Variants in NCKAP5 observed in about 807,000 individuals in gnomAD.
NCKAP5 encodes NCK associated protein 5.
Under a neutral mutation model 167.0 loss-of-function variants are expected in NCKAP5, and 92 were observed. The observed-to-expected ratio is 0.55, with a 90% confidence interval of 0.47 to 0.66. NCKAP5 has a LOEUF of 0.66. Among genes scored for constraint, NCKAP5 ranks in the 30% least tolerant of loss-of-function variants. NCKAP5 has a pLI of 0.00. For missense variants in NCKAP5, 2,378 were observed against 2,315.0 expected, an observed-to-expected ratio of 1.03 and a Z score of -0.56; for synonymous variants, 891 against 877.4, an observed-to-expected ratio of 1.02 and a Z score of -0.27.
At chr2:133,151,164 T>A (rs2083371793) in intron 5 of NCKAP5, among the ~76,000 whole-genome samples, 1 of 152,176 alleles carries the variant, frequency 6.6e-6, no homozygotes, top group Non-Finnish European at 1.5e-5. Context: ...CTTTTCTGTA[T>A]GTACATTATA....
intron 4 of NCKAP5, among the ~76,000 whole-genome samples, chr2:133,237,510 T>C (rs2087479719): frequency 6.6e-6 from 1 of 152,208 alleles, no homozygotes; most frequent in Non-Finnish European, 1.5e-5. Flanking sequence ...TCAATATTCA[T>C]TAATTCCACA....
At chr2:133,405,977 C>T (rs575980453) in intron 3 of NCKAP5, among the ~76,000 whole-genome samples, 4 of 152,370 alleles carry the variant, frequency 2.6e-5, no homozygotes, top group South Asian at 2.1e-4. Context: ...ACTCAAAATT[C>T]AGGGGAATAA....
chr2:133,329,394 CA>C (rs1161697313), intron 3 of NCKAP5, among the ~76,000 whole-genome samples: 3 of 151,616 alleles, frequency 2.0e-5, no homozygotes, highest in Admixed American at 6.6e-5. Flanking sequence ...GTTGGCCTAG[CA>C]AAAAAAGAGA....
At chr2:133,211,074 C>A (rs1349802630) in intron 5 of NCKAP5, among the ~76,000 whole-genome samples, 7 of 151,038 alleles carry the variant, frequency 4.6e-5, no homozygotes, top group Non-Finnish European at 1.0e-4. Flanking sequence ...GCCAGCCCTG[C>A]CCGCATGCAG....
intron 3 of NCKAP5, among the ~76,000 whole-genome samples, chr2:133,306,243 T>C (rs538695113): frequency 6.6e-6 from 1 of 152,316 alleles, no homozygotes; most frequent in South Asian, 2.1e-4. Flanking sequence ...AGCAAGTACA[T>C]ACAGGAGGTT....
At chr2:132,860,916 T>G (rs1182802016) in intron 10 of NCKAP5, among the ~76,000 whole-genome samples, 1 of 152,200 alleles carries the variant, frequency 6.6e-6, no homozygotes, top group Admixed American at 6.5e-5. Flanking sequence ...CGCCTATATA[T>G]TTTGCCTTTT....
intron 11 of NCKAP5, among the ~76,000 whole-genome samples, chr2:132,834,190 T>G (rs1687719404): frequency 1.3e-5 from 2 of 152,288 alleles, no homozygotes; most frequent in Admixed American, 6.5e-5. Context: ...TTTCCAATTT[T>G]GTTGCCCTTT....
chr2:133,028,600 C>G (rs910542041), intron 6 of NCKAP5, among the ~76,000 whole-genome samples: 1 of 152,194 alleles, frequency 6.6e-6, no homozygotes, highest in Non-Finnish European at 1.5e-5. Context: ...GTGAGAACCA[C>G]AGTCCTCAAA....
At chr2:133,108,902 T>C (rs1005265972) in intron 6 of NCKAP5, among the ~76,000 whole-genome samples, 1 of 152,258 alleles carries the variant, frequency 6.6e-6, no homozygotes, top group East Asian at 1.9e-4. Context: ...ATTGTGTCTG[T>C]GTGTATACAC....
At chr2:133,311,965 G>A (rs573781556) in intron 3 of NCKAP5, among the ~76,000 whole-genome samples, 30 of 152,256 alleles carry the variant, frequency 2.0e-4, no homozygotes, top group African/African-American at 5.1e-4. Flanking sequence ...AAATAAGTGC[G>A]TTTTTCTAAT....
intron 16 of NCKAP5, among the ~76,000 whole-genome samples, chr2:132,757,109 C>T: frequency 6.6e-6 from 1 of 152,138 alleles, no homozygotes; most frequent in East Asian, 1.9e-4. Flanking sequence ...GCTTGCTCTT[C>T]CCCCTTCCTG....
At chr2:133,082,698 G>A (rs1347709) in intron 6 of NCKAP5, among the ~76,000 whole-genome samples, 31,749 of 152,008 alleles carry the variant, frequency 0.21, 4,442 homozygotes, top group Non-Finnish European at 0.31. Flanking sequence ...CTCTCTACTC[G>A]GAAAATAACT....
intron 7 of NCKAP5, among the ~76,000 whole-genome samples, chr2:132,971,930 C>G (rs73956088): frequency 0.019 from 2,915 of 152,276 alleles, 79 homozygotes; most frequent in African/African-American, 0.067. Context: ...TAATTCTAAT[C>G]CAAGACTAAG....
At chr2:132,890,433 G>A (rs1469218689) in intron 8 of NCKAP5, among the ~76,000 whole-genome samples, 1 of 152,162 alleles carries the variant, frequency 6.6e-6, no homozygotes, top group Non-Finnish European at 1.5e-5. Flanking sequence ...GAAGAAACAA[G>A]TTAGTTTCTG....
the NCKAP5 span, among the ~76,000 whole-genome samples, chr2:133,628,599 A>C: frequency 6.6e-6 from 1 of 152,230 alleles, no homozygotes; most frequent in African/African-American, 2.4e-5. Context: ...ATTTCCATTA[A>C]ACTACCATTG....
chr2:133,089,248 G>T (rs1193461537), intron 6 of NCKAP5, among the ~76,000 whole-genome samples: 1 of 152,156 alleles, frequency 6.6e-6, no homozygotes, highest in African/African-American at 2.4e-5. Context: ...ATACTCTTTA[G>T]TGGGCCATTG....
intron 6 of NCKAP5, among the ~76,000 whole-genome samples, chr2:133,063,006 A>G (rs1046480506): frequency 6.6e-6 from 1 of 152,170 alleles, no homozygotes; most frequent in Non-Finnish European, 1.5e-5. Flanking sequence ...TTCTCTTCCT[A>G]CTTCAAAGTA....
At chr2:133,509,467 G>A (rs1683295239) in intron 3 of NCKAP5, among the ~76,000 whole-genome samples, 1 of 152,100 alleles carries the variant, frequency 6.6e-6, no homozygotes, top group African/African-American at 2.4e-5. Context: ...CTGCATGTGG[G>A]CCCCCTTTAT....
chr2:133,624,069 G>C, the NCKAP5 span, among the ~76,000 whole-genome samples: 150 of 152,174 alleles, frequency 9.9e-4, 1 homozygote, highest in African/African-American at 3.5e-3. Context: ...CTCATGCGTG[G>C]GAACTAAGCT....
Sources: gnomAD v4.1 joint callset for allele counts (sites outside exome capture counted in the v4.1 genomes callset) on GRCh38, gnomAD v4.1.1 for gene constraint, MANE v1.5 for transcripts, NCBI Gene and HGNC (gene_info 2026-07-23, HGNC 2026-07-21) for gene names.